Variants in ACACA observed in about 807,000 individuals in gnomAD.
ACACA encodes acetyl-CoA carboxylase alpha, also known as acetyl-CoA carboxylase 1.
ACACA carries 103 observed loss-of-function variants against 296.1 expected under a neutral mutation model. The observed-to-expected ratio is 0.35, with a 90% CI of 0.30 to 0.41. The LOEUF (loss-of-function observed/expected upper bound fraction) is 0.41. Ranked by LOEUF, ACACA falls within the 10% of genes least tolerant of loss-of-function variation. ACACA has a pLI of 1.00. For missense variants in ACACA, 1,554 were observed against 2,989.7 expected, an observed-to-expected ratio of 0.52 and a Z score of 11.20; for synonymous variants, 953 against 1,038.6, an observed-to-expected ratio of 0.92 and a Z score of 1.58.
intron 1 of ACACA, among the ~76,000 whole-genome samples, chr17:37,398,430 A>T (rs1340515477): frequency 7.5e-6 from 1 of 134,120 alleles, no homozygotes; most frequent in Admixed American, 7.6e-5. Flanking sequence ...GGGATTACAG[A>T]CATGCGCCAC....
At chr17:37,299,738 A>T in intron 3 of ACACA, 1 of 1,003,082 alleles carries the variant, frequency 1.0e-6, no homozygotes, top group Non-Finnish European at 1.2e-6. Context: ...CAGTCAACGG[A>T]GAAAAGCTCC....
intron 1 of ACACA, chr17:37,379,278 A>G (rs758249590): frequency 1.9e-6 from 3 of 1,613,986 alleles, no homozygotes; most frequent in South Asian, 1.1e-5. Flanking sequence ...ATTTTGAAGA[A>G]CCTGAGAATC....
chr17:37,096,617 A>G (rs1411579514), intron 54 of ACACA, among the ~76,000 whole-genome samples: 1 of 152,140 alleles, frequency 6.6e-6, no homozygotes, highest in Non-Finnish European at 1.5e-5. Context: ...TGTGTTTAAC[A>G]TGGGCCTCAC....
intron 5 of ACACA, among the ~76,000 whole-genome samples, chr17:37,282,968 T>C (rs112199402): frequency 6.6e-6 from 1 of 152,208 alleles, no homozygotes; most frequent in African/African-American, 2.4e-5. Context: ...CCAAAGAATG[T>C]GGCATAGCAA....
At chr17:37,116,762 C>G (rs931756731) in intron 50 of ACACA, among the ~76,000 whole-genome samples, 1 of 152,152 alleles carries the variant, frequency 6.6e-6, no homozygotes, top group Non-Finnish European at 1.5e-5. Context: ...AAACACTTGG[C>G]AACAATCTGA....
At chr17:37,392,489 G>A in intron 1 of ACACA, 1 of 152,238 alleles carries the variant, frequency 6.6e-6, no homozygotes, top group African/African-American at 2.4e-5. Flanking sequence ...TAAGAGTTTG[G>A]TGAGAAAGTG....
chr17:37,142,815 T>A (rs921875525), intron 45 of ACACA, among the ~76,000 whole-genome samples: 2 of 152,248 alleles, frequency 1.3e-5, no homozygotes, highest in Non-Finnish European at 2.9e-5. Flanking sequence ...ATACATCTAT[T>A]GGGAAAGTCA....
At chr17:37,248,720 TATAAG>T (rs1322985803) in intron 16 of ACACA, 46 bp from the exon 17 acceptor site, 12 of 1,339,622 alleles carry the variant, frequency 9.0e-6, no homozygotes, top group Non-Finnish European at 1.2e-5. Context: ...TTCTAACAGT[TATAAG>T]AGAATCTAAA....
chr17:37,182,512 A>ATT (rs1003043338), intron 39 of ACACA, among the ~76,000 whole-genome samples: 1 of 152,180 alleles, frequency 6.6e-6, no homozygotes, highest in Admixed American at 6.5e-5. Flanking sequence ...TACTCCATAT[A>ATT]TTTAGATAGT....
chr17:37,310,681 G>A (rs1481027636), intron 3 of ACACA, among the ~76,000 whole-genome samples: 1 of 150,718 alleles, frequency 6.6e-6, no homozygotes, highest in African/African-American at 2.4e-5. Context: ...TGTAATCCCA[G>A]CTACCTGGGA....
chr17:37,300,816 T>C (rs2083583559), intron 3 of ACACA, among the ~76,000 whole-genome samples: 1 of 152,176 alleles, frequency 6.6e-6, no homozygotes, highest in African/African-American at 2.4e-5. Context: ...CTTCACATCA[T>C]CCCTTCCACA....
At chr17:37,394,464 G>A (rs1597797012) in intron 1 of ACACA, among the ~76,000 whole-genome samples, 1 of 151,840 alleles carries the variant, frequency 6.6e-6, no homozygotes, top group Admixed American at 6.6e-5. Context: ...ACCCGCGTCG[G>A]CCTCACAAAG....
chr17:37,281,057 T>TA (rs2082502690), intron 5 of ACACA, among the ~76,000 whole-genome samples: 1 of 134,304 alleles, frequency 7.4e-6, no homozygotes, highest in Admixed American at 7.8e-5. Flanking sequence ...TGTCTTTCTC[T>TA]CTTTTTTTTT....
chr17:37,280,952 A>C lies in ACACA; in HGVS notation c.610+2315T>G, dbSNP rs568007593. On this transcript the variant is annotated intron_variant, in intron 5 of 55. Coordinates refer to ENST00000616317, the MANE Select transcript of ACACA (RefSeq NM_198834.3). ...TGTGTCATACCTTTATGCATTTGCA[A>C]TGCTGTTCTTTCTGTCTGGTACACC... is the stretch of plus-strand genomic sequence containing the variant. 7.9e-5 allele frequency among the ~76,000 whole-genome samples: 12 copies of C among 152,190 alleles called. 1 individual carries two copies. Among genetic ancestry groups the C allele is most frequent in the African/African-American group, 2.6e-4 (11 of 41,528 alleles).
chr17:37,108,545 T>TGCCC (rs1314117248), intron 52 of ACACA, among the ~76,000 whole-genome samples: 4 of 152,110 alleles, frequency 2.6e-5, no homozygotes, highest in Non-Finnish European at 5.9e-5. Flanking sequence ...TGCACCACCA[T>TGCCC]GCCCGGCTAA....
At chr17:37,142,114 C>T (rs995592312) in intron 45 of ACACA, among the ~76,000 whole-genome samples, 3 of 151,900 alleles carry the variant, frequency 2.0e-5, no homozygotes, top group African/African-American at 4.8e-5. Flanking sequence ...ATTCAATGCC[C>T]CAAATAGAGT....
At chr17:37,149,791 G>A (rs919916126) in intron 45 of ACACA, 73 bp downstream of exon 45, 2 of 1,332,776 alleles carry the variant, frequency 1.5e-6, no homozygotes, top group Non-Finnish European at 2.2e-6. Flanking sequence ...TTCCAATCAG[G>A]ATCTTGAATT....
intron 36 of ACACA, among the ~76,000 whole-genome samples, chr17:37,192,982 G>A (rs964667114): frequency 1.3e-5 from 2 of 151,974 alleles, no homozygotes; most frequent in East Asian, 1.9e-4. Context: ...TATATAAGCC[G>A]GTAACAGGAA....
At chr17:37,109,840 G>A (rs926375329) in intron 52 of ACACA, among the ~76,000 whole-genome samples, 50 of 152,302 alleles carry the variant, frequency 3.3e-4, no homozygotes, top group African/African-American at 1.1e-3. Context: ...CTGAAGGGAT[G>A]ATAACAGCCA....
Sources: allele counts gnomAD v4.1 joint callset (sites outside exome capture counted in the v4.1 genomes callset), GRCh38; gene constraint gnomAD v4.1.1; transcripts MANE v1.5; gene names NCBI Gene and HGNC (gene_info 2026-07-23, HGNC 2026-07-21).